The following GRIK3 variants were observed in gnomAD, a reference collection of about 807,000 sequenced individuals.
GRIK3 encodes glutamate receptor ionotropic, kainate 3.
A neutral mutation model predicts 102.5 loss-of-function variants in GRIK3; 29 were observed. The ratio of observed to expected loss-of-function variants is 0.28; its 90% CI spans 0.21 to 0.39. The LOEUF (loss-of-function observed/expected upper bound fraction) is 0.39, where lower values mean the gene tolerates loss of function less well. GRIK3 is among the 10% of genes least tolerant of loss of function. GRIK3 has a pLI of 1.00. For missense variants in GRIK3, 908 were observed against 1,252.4 expected, an observed-to-expected ratio of 0.73 and a Z score of 4.15; for synonymous variants, 511 against 504.9, an observed-to-expected ratio of 1.01 and a Z score of -0.16.
intron 5 of GRIK3, among the ~76,000 whole-genome samples, chr1:36,861,422 C>T (rs1036749184): frequency 1.3e-5 from 2 of 152,124 alleles, no homozygotes; most frequent in African/African-American, 2.4e-5. Flanking sequence ...CTCCCCTGGG[C>T]CCCCCACTTA....
chr1:36,940,395 T>C (rs1641706247), intron 1 of GRIK3, among the ~76,000 whole-genome samples: 1 of 152,226 alleles, frequency 6.6e-6, no homozygotes, highest in African/African-American at 2.4e-5. Context: ...AGAGTAATCA[T>C]ATGTCTTGCT....
intron 1 of GRIK3, among the ~76,000 whole-genome samples, chr1:36,892,146 G>T (rs1000857812): frequency 6.6e-6 from 1 of 152,138 alleles, no homozygotes; most frequent in Non-Finnish European, 1.5e-5. Context: ...AGTCTCTCAA[G>T]TTGCTGGGAC....
chr1:36,930,085 A>T (rs1315130467), intron 1 of GRIK3, among the ~76,000 whole-genome samples: 6 of 152,166 alleles, frequency 3.9e-5, no homozygotes, highest in African/African-American at 7.2e-5. Context: ...GTCTTTTATG[A>T]CCTGGCATTA....
intron 1 of GRIK3, among the ~76,000 whole-genome samples, chr1:36,963,954 G>A (rs773874721): frequency 6.6e-6 from 1 of 152,238 alleles, no homozygotes; most frequent in Non-Finnish European, 1.5e-5. Context: ...TGGTGAGGAT[G>A]AAGAGACAGG....
At chr1:36,988,891 C>G (rs12080302) in intron 1 of GRIK3, among the ~76,000 whole-genome samples, 1 of 152,118 alleles carries the variant, frequency 6.6e-6, no homozygotes, top group Non-Finnish European at 1.5e-5. Context: ...GAAACACCCG[C>G]GCTTTATAAA....
chr1:36,874,092 C>T (rs1202397486), intron 3 of GRIK3, among the ~76,000 whole-genome samples: 1 of 152,204 alleles, frequency 6.6e-6, no homozygotes, highest in African/African-American at 2.4e-5. Context: ...CCAGTTTGCA[C>T]TGGATTAAAG....
At chr1:36,892,809 A>G (rs1165439750) in intron 1 of GRIK3, among the ~76,000 whole-genome samples, 1 of 152,230 alleles carries the variant, frequency 6.6e-6, no homozygotes, top group East Asian at 1.9e-4. Flanking sequence ...AATTAAATTC[A>G]TGTTCTAATA....
chr1:36,985,610 G>A (rs932520651), intron 1 of GRIK3, among the ~76,000 whole-genome samples: 2 of 152,210 alleles, frequency 1.3e-5, no homozygotes, highest in Non-Finnish European at 2.9e-5. Flanking sequence ...GGTCTCAGGT[G>A]TGGCAGTGGG....
At chr1:37,017,527 G>A (rs946367644) in intron 1 of GRIK3, among the ~76,000 whole-genome samples, 1 of 152,062 alleles carries the variant, frequency 6.6e-6, no homozygotes, top group African/African-American at 2.4e-5. Flanking sequence ...CCAGGAGCAG[G>A]CACTGGCCTT....
At chr1:37,029,285 T>C (rs551733377) in intron 1 of GRIK3, among the ~76,000 whole-genome samples, 7 of 152,334 alleles carry the variant, frequency 4.6e-5, no homozygotes, top group Non-Finnish European at 1.0e-4. Flanking sequence ...AGCGAGTGCC[T>C]GCTGGGTGCT....
intron 11 of GRIK3, among the ~76,000 whole-genome samples, chr1:36,823,708 G>A (rs1484518793): frequency 6.6e-6 from 1 of 152,076 alleles, no homozygotes; most frequent in East Asian, 1.9e-4. Context: ...CACTATGCCT[G>A]CTTCACTCCC....
chr1:36,983,685 G>T (rs1642273682), intron 1 of GRIK3, among the ~76,000 whole-genome samples: 1 of 152,038 alleles, frequency 6.6e-6, no homozygotes, highest in Non-Finnish European at 1.5e-5. Flanking sequence ...TGATGCTCAT[G>T]GGGGGAAACC....
chr1:37,021,540 C>G (rs1056371191), intron 1 of GRIK3, among the ~76,000 whole-genome samples: 17 of 152,222 alleles, frequency 1.1e-4, no homozygotes, highest in Admixed American at 1.0e-3. Context: ...CATAGACCAG[C>G]CATAATTCAG....
At chr1:36,860,177 G>A (rs144472863) in intron 5 of GRIK3, among the ~76,000 whole-genome samples, 160 bp from the exon 6 acceptor site, 1 of 152,318 alleles carries the variant, frequency 6.6e-6, no homozygotes, top group East Asian at 1.9e-4. Context: ...GTAGTCACAG[G>A]AGCACCCATA....
chr1:36,840,568 AAAAAAAAAAT>A (rs1284094566), intron 10 of GRIK3, among the ~76,000 whole-genome samples: 34 of 101,918 alleles, frequency 3.3e-4, no homozygotes, highest in African/African-American at 1.6e-3. Flanking sequence ...AAAAAAAAAA[AAAAAAAAAAT>A]TAGCCAGGTG....
At chr1:36,861,796 C>T (rs1389293698) in intron 5 of GRIK3, among the ~76,000 whole-genome samples, 1 of 152,066 alleles carries the variant, frequency 6.6e-6, no homozygotes, top group Non-Finnish European at 1.5e-5. Flanking sequence ...CCCAAGCTTG[C>T]CCAAATAAAT....
chr1:36,948,617 T>C lies in GRIK3; in HGVS notation c.116-57521A>G, dbSNP rs192906947. On this transcript the variant is annotated intron_variant, in intron 1 of 15. Transcript: ENST00000373091. ...AGAAGGAGAGCACAGGGGAGATTAA[T>C]AATAACTACTTATTCTGGCAAATTA... is the stretch of plus-strand genomic sequence containing the variant. 5.3e-5 allele frequency among the ~76,000 whole-genome samples: 8 copies of C among 152,324 alleles called. No individual in the cohort carries two copies. In the East Asian group the frequency reaches 5.8e-4, roughly 11 times the overall value.
chr1:36,896,209 G>A (rs575964356), intron 1 of GRIK3, among the ~76,000 whole-genome samples: 1 of 152,228 alleles, frequency 6.6e-6, no homozygotes, highest in South Asian at 2.1e-4. Context: ...GAAAGAATAA[G>A]CGAAGGTAAA....
intron 1 of GRIK3, among the ~76,000 whole-genome samples, chr1:37,001,461 C>T (rs561127330): frequency 6.6e-6 from 1 of 152,292 alleles, no homozygotes; most frequent in East Asian, 1.9e-4. Flanking sequence ...CCAGTCCTGG[C>T]CTTCCCCAGG....
Sources: allele counts gnomAD v4.1 joint callset (sites outside exome capture counted in the v4.1 genomes callset), GRCh38; gene constraint gnomAD v4.1.1; transcripts MANE v1.5; gene names NCBI Gene and HGNC (gene_info 2026-07-23, HGNC 2026-07-21).